CHD9: variants seen among roughly 807,000 people sequenced by gnomAD.
CHD9 encodes the protein chromodomain helicase DNA binding protein 9.
A neutral mutation model predicts 316.1 loss-of-function variants in CHD9; 77 were observed. The observed-to-expected ratio is 0.24, with a 90% CI of 0.20 to 0.29. CHD9 has a LOEUF of 0.29. Ranked by LOEUF, CHD9 falls within the 10% of genes least tolerant of loss-of-function variation. The pLI is 1.00. For missense variants in CHD9, 2,763 were observed against 3,438.1 expected (o/e 0.80, Z 4.91); for synonymous variants, 1,129 against 1,158.3 (o/e 0.97, Z 0.51).
In CHD9 at chr16:53,307,893, A is replaced by G. The variant is rs749916738; in HGVS notation, c.6993A>G (p.Thr2331=). The change falls in exon 33 of 39, where the codon ACA becomes ACG. Residue 2331 remains threonine (T), a synonymous_variant. Coordinates refer to ENST00000447540, the MANE Select transcript of CHD9 (RefSeq NM_001308319.2). ...AGVKEEHDQS[T]QMSKVKKHVR... ...TTAAAGAAGAACATGATCAGTCAAC[A>G]CAGATGTCAAAGGTGAAGAAGCATG... The G allele has an allele frequency of 6.2e-7, 1 of 1,613,692 alleles. No homozygotes were observed. Among genetic ancestry groups the G allele is most frequent in the Non-Finnish European group, 8.5e-7 (1 of 1,179,800 alleles).
At chr16:53,076,060 C>T (rs979312699) in intron 1 of CHD9, among the ~76,000 whole-genome samples, 6 of 152,130 alleles carry the variant, frequency 3.9e-5, no homozygotes, top group Non-Finnish European at 7.4e-5. Flanking sequence ...TATATATCTT[C>T]TTTGGAGAAA....
At chr16:53,300,568 G>C (rs1191262475) in intron 30 of CHD9, among the ~76,000 whole-genome samples, 1 of 152,154 alleles carries the variant, frequency 6.6e-6, no homozygotes. Context: ...TATGATGTCA[G>C]CTTGATTAAT....
intron 34 of CHD9, among the ~76,000 whole-genome samples, chr16:53,310,295 C>A (rs1395546978): frequency 6.6e-6 from 1 of 151,958 alleles, no homozygotes; most frequent in Non-Finnish European, 1.5e-5. Context: ...TTATACCTTA[C>A]AATTAACAAT....
At chr16:53,184,421 C>A (rs2043809292) in intron 2 of CHD9, among the ~76,000 whole-genome samples, 1 of 152,170 alleles carries the variant, frequency 6.6e-6, no homozygotes, top group Non-Finnish European at 1.5e-5. Context: ...ACTGCAGCCT[C>A]AACCTCCTGG....
intron 1 of CHD9, among the ~76,000 whole-genome samples, chr16:53,080,727 A>G (rs1467970918): frequency 6.6e-6 from 1 of 152,182 alleles, no homozygotes; most frequent in African/African-American, 2.4e-5. Context: ...TGGAAAAATG[A>G]AGAGATTTGT....
intron 1 of CHD9, among the ~76,000 whole-genome samples, chr16:53,074,591 T>C (rs1047909767): frequency 9.9e-5 from 15 of 152,066 alleles, no homozygotes; most frequent in African/African-American, 3.6e-4. Flanking sequence ...GTGCCCTGCA[T>C]CCCAGCCACT....
At chr16:53,151,203 C>G (rs1355491283) in intron 1 of CHD9, among the ~76,000 whole-genome samples, 2 of 98,032 alleles carry the variant, frequency 2.0e-5, no homozygotes, top group African/African-American at 3.9e-5. Flanking sequence ...TCCCTCCCCT[C>G]CCCTCCCCTC....
chr16:53,249,499 A>G (rs903497660), intron 16 of CHD9, among the ~76,000 whole-genome samples: 29 of 152,352 alleles, frequency 1.9e-4, no homozygotes, highest in African/African-American at 6.7e-4. Context: ...CAAAAGAAAC[A>G]TTCATAGCCT....
At position 53,156,576 on chromosome 16, in the gene CHD9, G is replaced by A. The variant is rs1284357710; in HGVS notation, c.487G>A (p.Ala163Thr). The A allele has an allele frequency of 1.4e-5, 23 of 1,613,926 alleles. No individual in the cohort carries two copies. Among genetic ancestry groups the A allele is most frequent in the Non-Finnish European group, 1.8e-5 (21 of 1,179,880 alleles). Residue 163 changes from alanine (A) to threonine (T), a missense_variant, in exon 2 of 39, where the codon GCC becomes ACC. Ala to Thr is a moderately conservative substitution (Grantham distance 58). Transcript: ENST00000447540. Reference protein sequence around the residue: ...NKSFVAHHDFALFQANEQQTQ... With the variant: ...NKSFVAHHDFTLFQANEQQTQ... ...AAGCTTTGTGGCACACCATGACTTT[G>A]CCTTATTTCAGGCCAATGAACAACA...
chr16:53,108,385 G>A (rs1440797312), intron 1 of CHD9, among the ~76,000 whole-genome samples: 2 of 151,904 alleles, frequency 1.3e-5, no homozygotes, highest in Non-Finnish European at 2.9e-5. Context: ...TGCACCTATA[G>A]TCCCACCTAC....
In CHD9 at chr16:53,238,343, A is replaced by G. The variant is rs990531671; in HGVS notation, c.2634A>G (p.Arg878=). 4 of 1,610,438 alleles carry G rather than the reference A, an allele frequency of 2.5e-6. No individual in the cohort carries two copies. The South Asian group carries it at 3.3e-5, about 13-fold the overall frequency. The change falls in exon 12 of 39, where the codon AGA becomes AGG. Residue 878 remains arginine (R), a splice_region_variant and synonymous_variant. Coordinates refer to ENST00000447540, the MANE Select transcript of CHD9 (RefSeq NM_001308319.2). ...TGGATAATGTATTTGTTTATTTCAG[A>G]CGAAACTGCATCTTAGCAGATGAAA... The part of the protein sequence containing the change: ...LNWLLFNWYN[R]RNCILADEMG...
At chr16:53,138,104 C>T (rs988895988) in intron 1 of CHD9, among the ~76,000 whole-genome samples, 4 of 152,060 alleles carry the variant, frequency 2.6e-5, no homozygotes, top group Non-Finnish European at 1.5e-5. Context: ...GACCAAAGTT[C>T]CCAGGGCTAC....
intron 15 of CHD9, among the ~76,000 whole-genome samples, chr16:53,246,365 T>C (rs1332193647): frequency 6.6e-6 from 1 of 152,210 alleles, no homozygotes; most frequent in Non-Finnish European, 1.5e-5. Context: ...TACTCTCTTA[T>C]GGCTAGACAG....
chr16:53,170,600 TG>T (rs2042638467), intron 2 of CHD9, among the ~76,000 whole-genome samples: 1 of 151,850 alleles, frequency 6.6e-6, no homozygotes, highest in Non-Finnish European at 1.5e-5. Context: ...TGTGTGTGTG[TG>T]TGTGTGTGTG....
intron 1 of CHD9, among the ~76,000 whole-genome samples, chr16:53,144,842 A>G (rs1220563424): frequency 6.6e-6 from 1 of 151,798 alleles, no homozygotes; most frequent in African/African-American, 2.4e-5. Flanking sequence ...ATTTTTAAAA[A>G]TCAGCCAGGC....
chr16:53,082,956 C>T (rs1438009212), intron 1 of CHD9, among the ~76,000 whole-genome samples: 2 of 152,214 alleles, frequency 1.3e-5, no homozygotes, highest in African/African-American at 4.8e-5. Context: ...CAGTCGTCTG[C>T]CTCCCTTTTA....
chr16:53,215,805 G>A (rs2046711260), intron 3 of CHD9, among the ~76,000 whole-genome samples: 1 of 152,112 alleles, frequency 6.6e-6, no homozygotes, highest in Non-Finnish European at 1.5e-5. Flanking sequence ...TAACACTTGG[G>A]CAGGATTGAA....
At chr16:53,265,560 A>T (rs1273309394) in intron 20 of CHD9, among the ~76,000 whole-genome samples, 2 of 152,220 alleles carry the variant, frequency 1.3e-5, no homozygotes, top group South Asian at 4.1e-4. Flanking sequence ...CTAAAGAAAG[A>T]TGATTTAATA....
intron 7 of CHD9, 154 bp downstream of exon 7, chr16:53,227,757 G>A (rs2047774821): frequency 9.4e-6 from 2 of 213,622 alleles, no homozygotes; most frequent in Non-Finnish European, 1.8e-5. Context: ...ATTAAAAAGT[G>A]GAAAAGGGCC....
Sources: allele counts gnomAD v4.1 joint callset (sites outside exome capture counted in the v4.1 genomes callset), GRCh38; gene constraint gnomAD v4.1.1; transcripts MANE v1.5; gene names NCBI Gene and HGNC (gene_info 2026-07-23, HGNC 2026-07-21).